GALNT10: variants seen among roughly 807,000 people sequenced by gnomAD.
GALNT10 encodes the protein GalNAc transferase 10.
Under a neutral mutation model 75.0 loss-of-function variants are expected in GALNT10, and 41 were observed. That is an observed-to-expected ratio of 0.55 (90% CI 0.43 to 0.71). GALNT10 has a LOEUF of 0.71. Ranked by LOEUF, GALNT10 falls within the 30% of genes least tolerant of loss-of-function variation. GALNT10 has a pLI of 0.00. For synonymous variants in GALNT10, 302 were observed against 313.0 expected, an observed-to-expected ratio of 0.96 and a Z score of 0.37; for missense variants, 727 against 818.5, an observed-to-expected ratio of 0.89 and a Z score of 1.36.
rs188658791 is a variant in GALNT10, at chr5:154,409,947, C to G, written c.1386+185C>G. On this transcript the variant is annotated intron_variant, in intron 9 of 11. Transcript: ENST00000297107. The surrounding 1 kb of genome is among the most constrained non-coding windows in gnomAD (Gnocchi z 4.5). ...GTATTTTTACTTGTTAGTTAGTGTT[C>G]TCAGTGTAGAAAAATTAAAACTTTA... 9.2e-5 allele frequency among the ~76,000 whole-genome samples: 14 copies of G among 152,212 alleles called. No homozygotes were observed. The East Asian group carries it at 2.5e-3, about 27-fold the overall frequency.
chr5:154,415,300 G>T (rs1019559174), intron 10 of GALNT10, among the ~76,000 whole-genome samples: 3 of 152,132 alleles, frequency 2.0e-5, no homozygotes, highest in Non-Finnish European at 4.4e-5. Flanking sequence ...AAGGATAGGG[G>T]TGGAAGTAGA....
At chr5:154,193,443 T>A (rs779538456) in intron 1 of GALNT10, among the ~76,000 whole-genome samples, 18 of 152,208 alleles carry the variant, frequency 1.2e-4, no homozygotes, top group Non-Finnish European at 1.8e-4. Context: ...TGGTGTTCCA[T>A]CCCTCATCCC....
chr5:154,398,109 C>T (rs1756085334), intron 7 of GALNT10, among the ~76,000 whole-genome samples: 2 of 152,202 alleles, frequency 1.3e-5, no homozygotes, highest in African/African-American at 4.8e-5. Context: ...TGTCTAGAGG[C>T]ATGGTGCTTC....
At chr5:154,380,166 C>T (rs1371570161) in intron 5 of GALNT10, among the ~76,000 whole-genome samples, 1 of 152,156 alleles carries the variant, frequency 6.6e-6, no homozygotes, top group Non-Finnish European at 1.5e-5. Flanking sequence ...GTCCTCATAA[C>T]CTATGAGGCA....
At position 154,279,846 on chromosome 5, in the gene GALNT10, C is replaced by A. The variant is rs537315011; in HGVS notation, c.160-14970C>A. On this transcript the variant is annotated intron_variant, in intron 1 of 11. Coordinates refer to ENST00000297107, the MANE Select transcript of GALNT10 (RefSeq NM_198321.4). ...TTCTGAATATGTCCTTAATCAAATA[C>A]GTGTTTTATGCAGTATGGAAGTTCC... is the stretch of plus-strand genomic sequence containing the variant. Among the ~76,000 whole-genome samples the A allele has an allele frequency of 2.0e-5, 3 of 152,130 alleles. No individual in the cohort carries two copies. The South Asian group carries it at 6.2e-4, about 32-fold the overall frequency.
intron 4 of GALNT10, among the ~76,000 whole-genome samples, chr5:154,369,812 T>C (rs1755537610): frequency 6.6e-6 from 1 of 152,236 alleles, no homozygotes; most frequent in Non-Finnish European, 1.5e-5. Context: ...ATGCTGGTGA[T>C]GCTGCTGACT....
At chr5:154,303,917 A>G (rs1300274419) in intron 3 of GALNT10, among the ~76,000 whole-genome samples, 2 of 152,230 alleles carry the variant, frequency 1.3e-5, no homozygotes, top group Admixed American at 6.5e-5. Flanking sequence ...GAATTAGCAG[A>G]GTTAATTGTA....
chr5:154,416,614 G>A lies in GALNT10; in HGVS notation c.1654-200G>A, dbSNP rs1297312831. Among the ~76,000 whole-genome samples, 1 of 151,902 alleles carries A rather than the reference G, an allele frequency of 6.6e-6. No individual in the cohort carries two copies. Among genetic ancestry groups the A allele is most frequent in the African/African-American group, 2.4e-5 (1 of 41,328 alleles). On this transcript the variant is annotated intron_variant, in intron 11 of 11. Transcript: ENST00000297107. The surrounding 1 kb of genome is among the most constrained non-coding windows in gnomAD (Gnocchi z 4.5). ...ACTTCTGGCCACATCCCAGCGGGCAGAACCCAGTCCCACGGCAATACCAGC... is the reference window on the plus strand; with the variant it reads ...ACTTCTGGCCACATCCCAGCGGGCAAAACCCAGTCCCACGGCAATACCAGC...
intron 3 of GALNT10, among the ~76,000 whole-genome samples, chr5:154,319,140 A>G (rs1754639483): frequency 6.6e-6 from 1 of 152,212 alleles, no homozygotes; most frequent in African/African-American, 2.4e-5. Context: ...GACTCTTCCA[A>G]GCACCTCAGG....
chr5:154,271,616 G>A (rs190467602), intron 1 of GALNT10, among the ~76,000 whole-genome samples: 2 of 152,314 alleles, frequency 1.3e-5, no homozygotes, highest in Admixed American at 6.5e-5. Context: ...ATCTGGTGAG[G>A]AAGCAGAAGT....
intron 1 of GALNT10, among the ~76,000 whole-genome samples, chr5:154,292,030 A>G (rs1754201652): frequency 6.6e-6 from 1 of 152,342 alleles, no homozygotes; most frequent in African/African-American, 2.4e-5. Context: ...TTTTCACACT[A>G]GAATTAAGAA....
chr5:154,244,257 T>A (rs1323112498), intron 1 of GALNT10, among the ~76,000 whole-genome samples: 1 of 152,182 alleles, frequency 6.6e-6, no homozygotes, highest in African/African-American at 2.4e-5. Context: ...ACAGCCACAT[T>A]TGTATAATAT....
chr5:154,404,402 C>G (rs568889728), intron 8 of GALNT10, among the ~76,000 whole-genome samples, 191 bp downstream of exon 8: 5 of 152,140 alleles, frequency 3.3e-5, no homozygotes, highest in Non-Finnish European at 7.3e-5. Flanking sequence ...GCTATGTGAC[C>G]TGGGGAGGGT....
intron 4 of GALNT10, among the ~76,000 whole-genome samples, chr5:154,355,792 C>G (rs1755281788): frequency 6.6e-6 from 1 of 152,204 alleles, no homozygotes; most frequent in Non-Finnish European, 1.5e-5. Context: ...CATTTGCACT[C>G]TCACTACATC....
intron 6 of GALNT10, among the ~76,000 whole-genome samples, chr5:154,385,485 C>T (rs554498950): frequency 6.6e-6 from 1 of 152,260 alleles, no homozygotes; most frequent in African/African-American, 2.4e-5. Flanking sequence ...TTCCTTGACC[C>T]TTGCCCCAGC....
intron 1 of GALNT10, among the ~76,000 whole-genome samples, chr5:154,264,569 C>T (rs138859717): frequency 4.7e-4 from 72 of 152,074 alleles, no homozygotes; most frequent in African/African-American, 1.5e-3. Flanking sequence ...TATTAACAAT[C>T]GGTAAATCTT....
At chr5:154,263,508 A>C (rs1176703231) in intron 1 of GALNT10, among the ~76,000 whole-genome samples, 1 of 152,110 alleles carries the variant, frequency 6.6e-6, no homozygotes, top group Non-Finnish European at 1.5e-5. Context: ...GGAGAAGGGG[A>C]GTGACTGATT....
chr5:154,372,770 C>T (rs1309284619), intron 4 of GALNT10, among the ~76,000 whole-genome samples: 1 of 152,098 alleles, frequency 6.6e-6, no homozygotes, highest in African/African-American at 2.4e-5. Context: ...ATGGCAGATG[C>T]TGGCAGGTTG....
chr5:154,382,052 A>T (rs1755742596), intron 6 of GALNT10, among the ~76,000 whole-genome samples: 1 of 152,214 alleles, frequency 6.6e-6, no homozygotes, highest in African/African-American at 2.4e-5. Flanking sequence ...CTCTCACCAC[A>T]GTTTGGCCTT....
Sources: gnomAD v4.1 joint callset for allele counts (sites outside exome capture counted in the v4.1 genomes callset) on GRCh38, gnomAD v4.1.1 for gene constraint, Gnocchi (gnomAD v3.1) non-coding constraint, MANE v1.5 for transcripts, NCBI Gene and HGNC (gene_info 2026-07-23, HGNC 2026-07-21) for gene names.